The following TUSC3 variants were observed in gnomAD, a reference collection of about 807,000 sequenced individuals.
TUSC3 encodes the protein tumor suppressor candidate 3, also known as dolichyl-diphosphooligosaccharide--protein glycosyltransferase subunit TUSC3.
TUSC3 carries 45 observed loss-of-function variants against 44.8 expected under a neutral mutation model. The ratio of observed to expected loss-of-function variants is 1.00; its 90% confidence interval spans 0.79 to 1.29. The LOEUF is 1.29. TUSC3 is among the 50% of genes most tolerant of loss of function. TUSC3 has a pLI of 0.00. For synonymous variants in TUSC3, 212 were observed against 152.9 expected (o/e 1.39, Z -2.85); for missense variants, 519 against 437.9 (o/e 1.19, Z -1.65).
the TUSC3 span, among the ~76,000 whole-genome samples, chr8:15,785,977 C>T: frequency 2.0e-5 from 3 of 152,024 alleles, no homozygotes; most frequent in African/African-American, 4.8e-5. Flanking sequence ...ATATGAAAGG[C>T]AATTTAACTT....
At chr8:15,744,621 G>C (rs1811326728) in intron 8 of TUSC3, among the ~76,000 whole-genome samples, 2 of 152,200 alleles carry the variant, frequency 1.3e-5, no homozygotes, top group East Asian at 3.9e-4. Context: ...CTTAGGGGTA[G>C]AAATGTTTTT....
the TUSC3 span, among the ~76,000 whole-genome samples, chr8:15,824,706 C>A: frequency 6.6e-6 from 1 of 152,128 alleles, no homozygotes. Flanking sequence ...ACATATGTAA[C>A]TAACCTGCAC....
At chr8:15,754,993 A>T (rs1811864600) in intron 9 of TUSC3, among the ~76,000 whole-genome samples, 1 of 152,060 alleles carries the variant, frequency 6.6e-6, no homozygotes, top group South Asian at 2.1e-4. Context: ...CTTTGCTGAC[A>T]CAGGTACCTG....
intron 3 of TUSC3, among the ~76,000 whole-genome samples, chr8:15,651,613 G>A (rs1384099883): frequency 6.6e-6 from 1 of 152,196 alleles, no homozygotes; most frequent in Non-Finnish European, 1.5e-5. Flanking sequence ...AACACAGCGA[G>A]AAGATGGTCA....
chr8:15,843,376 C>G, the TUSC3 span, among the ~76,000 whole-genome samples: 1 of 152,020 alleles, frequency 6.6e-6, no homozygotes, highest in Non-Finnish European at 1.5e-5. Flanking sequence ...CAATACCATG[C>G]TACATGTTTT....
chr8:15,738,098 C>T (rs566431833), intron 7 of TUSC3, among the ~76,000 whole-genome samples: 2 of 152,198 alleles, frequency 1.3e-5, no homozygotes, highest in East Asian at 3.9e-4. Flanking sequence ...GGTTTTTAAA[C>T]GGCTCACTGC....
At chr8:15,758,319 A>T (rs2129223356) in intron 10 of TUSC3, 1 of 916,312 alleles carries the variant, frequency 1.1e-6, no homozygotes, top group Non-Finnish European at 1.3e-6. Context: ...AACATTTGCT[A>T]AATTCAGAAA....
intron 2 of TUSC3, among the ~76,000 whole-genome samples, chr8:15,497,500 A>G (rs1404402728): frequency 6.6e-6 from 1 of 152,178 alleles, no homozygotes; most frequent in African/African-American, 2.4e-5. Flanking sequence ...CACAAACGCT[A>G]TAGACCCATG....
chr8:15,732,110 C>T (rs116756291), intron 7 of TUSC3, among the ~76,000 whole-genome samples: 8 of 152,234 alleles, frequency 5.3e-5, no homozygotes, highest in African/African-American at 1.7e-4. Flanking sequence ...GTGTATTCCT[C>T]TGTTTTCCCT....
chr8:15,569,598 G>A (rs1802797031), intron 1 of TUSC3, among the ~76,000 whole-genome samples: 1 of 152,128 alleles, frequency 6.6e-6, no homozygotes, highest in Non-Finnish European at 1.5e-5. Flanking sequence ...ATGTGGGAGA[G>A]AAATAAAGTG....
chr8:15,465,937 G>C (rs973617903), intron 1 of TUSC3, among the ~76,000 whole-genome samples: 4 of 151,924 alleles, frequency 2.6e-5, no homozygotes, highest in Admixed American at 2.0e-4. Flanking sequence ...ATATACTCAG[G>C]GAATAAACAT....
In TUSC3 at chr8:15,420,612, C is replaced by A. The variant is rs183406500; in HGVS notation, n.91+3307C>A. Among the ~76,000 whole-genome samples, 77 of 151,924 alleles carry A rather than the reference C, an allele frequency of 5.1e-4. 1 individual carries two copies. The highest frequency in any genetic ancestry group is 1.8e-4 in the Non-Finnish European group (12 of 68,024). On this transcript the variant is annotated intron_variant and non_coding_transcript_variant, in intron 1 of 5. Transcript: ENST00000503191. ...GCCTCCAGTTTCTGCAAAAATTCCTCTGAAGATTATTATTTTCCTCTTTAC... is the reference window on the plus strand; with the variant it reads ...GCCTCCAGTTTCTGCAAAAATTCCTATGAAGATTATTATTTTCCTCTTTAC...
chr8:15,576,646 A>G (rs1447302593), intron 1 of TUSC3, among the ~76,000 whole-genome samples: 2 of 141,732 alleles, frequency 1.4e-5, no homozygotes, highest in African/African-American at 5.5e-5. Flanking sequence ...CGAACTCATC[A>G]TTTTTTATGG....
the TUSC3 span, among the ~76,000 whole-genome samples, chr8:15,835,195 G>C: frequency 1.3e-5 from 2 of 152,086 alleles, no homozygotes; most frequent in African/African-American, 4.8e-5. Flanking sequence ...TATTTTTAAA[G>C]AAAATCATCC....
At position 15,575,191 on chromosome 8, in the gene TUSC3, T is replaced by A. The variant is rs552032154; in HGVS notation, c.138+34623T>A. 2.0e-5 allele frequency among the ~76,000 whole-genome samples: 3 copies of A among 152,278 alleles called. No homozygotes were observed. In the South Asian group the frequency reaches 6.2e-4, roughly 32 times the overall value. On this transcript the variant is annotated intron_variant, in intron 1 of 10. Transcript: ENST00000503731. Reference sequence around the variant, plus strand: ...TTTTGCATATAAACCTATACTACTTTATGTTTGGAATTAATAGGAATTAAA... The same window carrying A: ...TTTTGCATATAAACCTATACTACTTAATGTTTGGAATTAATAGGAATTAAA...
chr8:15,827,762 T>C, the TUSC3 span, among the ~76,000 whole-genome samples: 1 of 152,164 alleles, frequency 6.6e-6, no homozygotes, highest in Non-Finnish European at 1.5e-5. Context: ...GTCTCACTGA[T>C]AACTGATTTG....
intron 2 of TUSC3, among the ~76,000 whole-genome samples, chr8:15,529,975 C>T (rs1302460341): frequency 9.6e-6 from 1 of 103,774 alleles, no homozygotes; most frequent in Admixed American, 1.1e-4. Flanking sequence ...TTAGTAGAGA[C>T]GGGGTTTCAC....
rs114225962 is a variant in TUSC3, at chr8:15,639,804, T to G, written c.309-10893T>G. Among the ~76,000 whole-genome samples, 1,053 of 134,138 alleles carry G rather than the reference T, an allele frequency of 7.9e-3. 21 individuals are homozygous for G. Among genetic ancestry groups the G allele is most frequent in the African/African-American group, 0.027 (1,012 of 37,040 alleles). The allele number at this position is 134,138 out of a possible 152,430, so 88.0% of individuals were successfully genotyped here. On this transcript the variant is annotated intron_variant, in intron 2 of 10. Coordinates refer to ENST00000503731, the MANE Select transcript of TUSC3 (RefSeq NM_006765.4). ...GTCGTTTTTTTTTTTTTTGGACCCA[T>G]GAGGATGACTTAGTACAGTCAGTCA...
At chr8:15,486,863 A>T (rs1800739031) in intron 2 of TUSC3, among the ~76,000 whole-genome samples, 1 of 152,202 alleles carries the variant, frequency 6.6e-6, no homozygotes. Context: ...TAGGTCCATA[A>T]ATAAGCCTGC....
Sources: allele counts gnomAD v4.1 joint callset (sites outside exome capture counted in the v4.1 genomes callset), GRCh38; gene constraint gnomAD v4.1.1; transcripts MANE v1.5; gene names NCBI Gene and HGNC (gene_info 2026-07-23, HGNC 2026-07-21).